The following USH2A variants were observed in gnomAD, a reference collection of about 807,000 sequenced individuals.
USH2A encodes the protein Usher syndrome 2A (autosomal recessive, mild).
In USH2A, 443 loss-of-function variants were observed where a neutral mutation model predicts 538.9. The ratio of observed to expected loss-of-function variants is 0.82; its 90% CI spans 0.76 to 0.89. The LOEUF (loss-of-function observed/expected upper bound fraction) is 0.89, where lower values mean the gene tolerates loss of function less well. Ranked by LOEUF, USH2A falls within the 40% of genes least tolerant of loss-of-function variation. USH2A has a pLI of 0.00. For synonymous variants in USH2A, 2,413 were observed against 2,273.5 expected (o/e 1.06, Z -1.75); for missense variants, 6,633 against 6,324.8 (o/e 1.05, Z -1.65).
At chr1:215,721,964 C>T (rs1659673972) in intron 61 of USH2A, among the ~76,000 whole-genome samples, 1 of 151,432 alleles carries the variant, frequency 6.6e-6, no homozygotes, top group Non-Finnish European at 1.5e-5. Flanking sequence ...ACTTGGGAGG[C>T]TGAGGAGGGA....
At chr1:216,110,797 A>C (rs1304657339) in intron 21 of USH2A, among the ~76,000 whole-genome samples, 1 of 152,228 alleles carries the variant, frequency 6.6e-6, no homozygotes, top group African/African-American at 2.4e-5. Flanking sequence ...CAGTGTGTGC[A>C]CAAAGAAGTG....
chr1:216,084,883 G>A lies in USH2A; in HGVS notation c.4988-6C>T. ...AAAACCTTTTTGGATTATCTCTGCA[G>A]GAGTTTATAGATATCAAGAAATATA... On this transcript the variant is annotated splice_polypyrimidine_tract_variant and splice_region_variant and intron_variant, in intron 24 of 71. Transcript: ENST00000307340. 1.2e-6 allele frequency: 2 copies of A among 1,611,142 alleles called. No homozygotes were observed. Among genetic ancestry groups the A allele is most frequent in the Non-Finnish European group, 8.5e-7 (1 of 1,177,800 alleles).
chr1:215,934,353 T>G lies in USH2A; in HGVS notation c.7300+263A>C, dbSNP rs115727228. ...AGAAATCCAGATATATATATGTGTG[T>G]GTGTGTATGTGTGTATGGTATATAC... On this transcript the variant is annotated intron_variant, in intron 38 of 71. Coordinates refer to ENST00000307340, the MANE Select transcript of USH2A (RefSeq NM_206933.4). Among the ~76,000 whole-genome samples the G allele has an allele frequency of 7.5e-3, 1,136 of 152,044 alleles. 10 individuals are homozygous for G. The highest frequency in any genetic ancestry group is 0.026 in the African/African-American group (1,065 of 41,514).
chr1:216,004,707 G>T (rs1668352084), intron 32 of USH2A, among the ~76,000 whole-genome samples: 1 of 152,184 alleles, frequency 6.6e-6, no homozygotes, highest in African/African-American at 2.4e-5. Flanking sequence ...TAATTTAAAT[G>T]AGAGAAAAAT....
chr1:215,828,764 C>T (rs575041125), intron 47 of USH2A, among the ~76,000 whole-genome samples: 22 of 152,264 alleles, frequency 1.4e-4, no homozygotes, highest in African/African-American at 4.3e-4. Context: ...CCTTGAGCCT[C>T]ATGCCTGGAA....
intron 35 of USH2A, among the ~76,000 whole-genome samples, chr1:215,973,656 C>CTTTTTTTTTTTTTTTTTT (rs750306238): frequency 2.3e-5 from 3 of 130,958 alleles, no homozygotes; most frequent in Non-Finnish European, 3.2e-5. Context: ...TCTTCTTCTT[C>CTTTTTTTTTTTTTTTTTT]TTTTTTTTTT....
At chr1:215,733,092 C>A (rs1168110135) in intron 60 of USH2A, among the ~76,000 whole-genome samples, 1 of 150,822 alleles carries the variant, frequency 6.6e-6, no homozygotes, top group Non-Finnish European at 1.5e-5. Context: ...AAGCATGATG[C>A]TGGCATCTGC....
chr1:215,794,119 A>C (rs1466253487), intron 50 of USH2A, among the ~76,000 whole-genome samples: 1 of 152,206 alleles, frequency 6.6e-6, no homozygotes, highest in Non-Finnish European at 1.5e-5. Context: ...ACTTCTACAC[A>C]ACGCATCTGC....
rs186793154 is a variant in USH2A, at chr1:216,271,965, G to A, written c.1971+17315C>T. 4.3e-3 allele frequency among the ~76,000 whole-genome samples: 654 copies of A among 152,162 alleles called. 1 individual carries two copies. Among genetic ancestry groups the A allele is most frequent in the Non-Finnish European group, 6.8e-3 (464 of 67,976 alleles). Reference sequence around the variant, plus strand: ...ATGTTCATATGGAATATTCTAATGGGCTTTTCTTTTAGTGCTTTGTTAGGT... The same window carrying A: ...ATGTTCATATGGAATATTCTAATGGACTTTTCTTTTAGTGCTTTGTTAGGT... On this transcript the variant is annotated intron_variant, in intron 11 of 71. Coordinates refer to ENST00000307340, the MANE Select transcript of USH2A (RefSeq NM_206933.4).
intron 38 of USH2A, among the ~76,000 whole-genome samples, chr1:215,913,574 A>T (rs1046904944): frequency 6.6e-6 from 1 of 152,094 alleles, no homozygotes; most frequent in African/African-American, 2.4e-5. Context: ...GGAGATGGGG[A>T]ATCACTAATT....
chr1:216,409,582 C>A (rs762255032), intron 3 of USH2A, among the ~76,000 whole-genome samples: 1 of 151,976 alleles, frequency 6.6e-6, no homozygotes, highest in African/African-American at 2.4e-5. Context: ...GGCCATCACA[C>A]CTACCACCAT....
chr1:216,402,143 A>G (rs1385036274), intron 3 of USH2A, among the ~76,000 whole-genome samples: 1 of 152,172 alleles, frequency 6.6e-6, no homozygotes, highest in Non-Finnish European at 1.5e-5. Flanking sequence ...TCACCAAGAT[A>G]GACTACATTC....
chr1:216,371,700 T>C (rs1466629856), intron 3 of USH2A, among the ~76,000 whole-genome samples: 1 of 152,198 alleles, frequency 6.6e-6, no homozygotes, highest in Non-Finnish European at 1.5e-5. Context: ...GCAGTGCCTT[T>C]ACCATCCCTC....
At chr1:216,286,826 G>T (rs959589704) in intron 11 of USH2A, among the ~76,000 whole-genome samples, 1 of 152,002 alleles carries the variant, frequency 6.6e-6, no homozygotes, top group Non-Finnish European at 1.5e-5. Flanking sequence ...TAATACATGG[G>T]GTACTGTATT....
chr1:216,358,373 G>A (rs1275414623), intron 4 of USH2A, among the ~76,000 whole-genome samples: 1 of 152,136 alleles, frequency 6.6e-6, no homozygotes, highest in East Asian at 1.9e-4. Context: ...CTGCATGAGA[G>A]CACCTTTAAT....
intron 38 of USH2A, among the ~76,000 whole-genome samples, chr1:215,923,491 C>T (rs1419725927): frequency 1.3e-5 from 2 of 152,018 alleles, no homozygotes; most frequent in African/African-American, 4.8e-5. Context: ...GTTTACTGTA[C>T]TGGTTTACTG....
At chr1:215,888,331 C>G (rs1047128666) in intron 41 of USH2A, 95 bp downstream of exon 41, 9 of 1,577,302 alleles carry the variant, frequency 5.7e-6, no homozygotes, top group African/African-American at 1.3e-5. Context: ...ACAACAAATG[C>G]GTTTGTTTAG....
chr1:216,398,866 G>T (rs2039261751), intron 3 of USH2A, among the ~76,000 whole-genome samples: 1 of 152,182 alleles, frequency 6.6e-6, no homozygotes, highest in African/African-American at 2.4e-5. Context: ...TGGTTTTGAT[G>T]AGACCAAATA....
chr1:216,202,903 T>C (rs2035030201), intron 16 of USH2A, among the ~76,000 whole-genome samples: 1 of 152,172 alleles, frequency 6.6e-6, no homozygotes, highest in African/African-American at 2.4e-5. Flanking sequence ...GTGTGCTTCC[T>C]TAACACCCCA....
Sources: gnomAD v4.1 joint callset for allele counts (sites outside exome capture counted in the v4.1 genomes callset) on GRCh38, gnomAD v4.1.1 for gene constraint, MANE v1.5 for transcripts, NCBI Gene and HGNC (gene_info 2026-07-23, HGNC 2026-07-21) for gene names.